The following JAZF1 variants were observed in gnomAD, a reference collection of about 807,000 sequenced individuals.
JAZF1 encodes juxtaposed with another zinc finger protein 1.
A neutral mutation model predicts 26.4 loss-of-function variants in JAZF1; 8 were observed. That is an observed-to-expected ratio of 0.30 (90% CI 0.18 to 0.55). The LOEUF is 0.55. Ranked by LOEUF, JAZF1 falls within the 20% of genes least tolerant of loss-of-function variation. JAZF1 has a pLI of 0.94. For missense variants in JAZF1, 199 were observed against 322.0 expected, an observed-to-expected ratio of 0.62 and a Z score of 2.92; for synonymous variants, 126 against 122.3, an observed-to-expected ratio of 1.03 and a Z score of -0.20.
intron 1 of JAZF1, among the ~76,000 whole-genome samples, chr7:28,106,289 G>A (rs569494582): frequency 2.6e-5 from 4 of 152,092 alleles, no homozygotes; most frequent in Admixed American, 6.6e-5. Flanking sequence ...CCACATTGGG[G>A]TTGATATTTT....
At position 27,870,215 on chromosome 7, in the gene JAZF1, A is replaced by G. The variant is rs115096541; in HGVS notation, c.385+25005T>C. ...GCTGGGATTACAGGCGTGAGCCACC[A>G]TGCCTGGCCCCTAACTGCATTTAGA... On this transcript the variant is annotated intron_variant, in intron 3 of 4. Transcript: ENST00000283928. Among the ~76,000 whole-genome samples, 1,413 of 150,798 alleles carry G rather than the reference A, an allele frequency of 9.4e-3. 21 individuals carry two copies. Among genetic ancestry groups the G allele is most frequent in the African/African-American group, 0.033 (1,345 of 40,966 alleles).
chr7:28,098,554 A>T (rs1473379436), intron 1 of JAZF1, among the ~76,000 whole-genome samples: 1 of 152,070 alleles, frequency 6.6e-6, no homozygotes, highest in Non-Finnish European at 1.5e-5. Flanking sequence ...TAAAATGTAA[A>T]TTCTGGTTCA....
At chr7:28,152,126 T>G (rs1051379122) in intron 1 of JAZF1, among the ~76,000 whole-genome samples, 1 of 152,232 alleles carries the variant, frequency 6.6e-6, no homozygotes, top group Non-Finnish European at 1.5e-5. Context: ...TAGCTAGGTC[T>G]GTTGATGAAT....
chr7:27,990,400 T>A (rs897930321), intron 2 of JAZF1, among the ~76,000 whole-genome samples: 2 of 151,292 alleles, frequency 1.3e-5, no homozygotes, highest in East Asian at 3.9e-4. Flanking sequence ...AACCTGCACG[T>A]TGTGCACATG....
chr7:27,970,764 T>C (rs1349875845), intron 2 of JAZF1, among the ~76,000 whole-genome samples: 1 of 152,234 alleles, frequency 6.6e-6, no homozygotes, highest in Non-Finnish European at 1.5e-5. Context: ...AATTTTACTA[T>C]TTTGACAACA....
chr7:28,012,541 T>C (rs1257462907), intron 1 of JAZF1, among the ~76,000 whole-genome samples: 1 of 152,218 alleles, frequency 6.6e-6, no homozygotes, highest in East Asian at 1.9e-4. Flanking sequence ...TTAAGGCCAC[T>C]GAAGGGTGTG....
intron 3 of JAZF1, among the ~76,000 whole-genome samples, chr7:27,862,926 G>A (rs182913888): frequency 6.6e-6 from 1 of 152,258 alleles, no homozygotes. Context: ...CCTAAGACAT[G>A]GGGTCAGCTC....
chr7:28,149,340 G>A (rs1325310475), intron 1 of JAZF1, among the ~76,000 whole-genome samples: 1 of 152,182 alleles, frequency 6.6e-6, no homozygotes, highest in African/African-American at 2.4e-5. Context: ...TGTCGCCAGT[G>A]TCAAGAAAGA....
chr7:28,004,113 GCTTTTC>G (rs1782657928), intron 1 of JAZF1, among the ~76,000 whole-genome samples: 1 of 152,088 alleles, frequency 6.6e-6, no homozygotes, highest in South Asian at 2.1e-4. Context: ...AGAAGTATCA[GCTTTTC>G]TAATAAAGTG....
At chr7:28,085,641 T>C (rs1473720968) in intron 1 of JAZF1, among the ~76,000 whole-genome samples, 2 of 152,240 alleles carry the variant, frequency 1.3e-5, no homozygotes, top group Non-Finnish European at 2.9e-5. Context: ...GACATCATGT[T>C]AACTATTGCT....
chr7:28,110,098 C>T (rs985515486), intron 1 of JAZF1, among the ~76,000 whole-genome samples: 2 of 151,854 alleles, frequency 1.3e-5, no homozygotes, highest in Non-Finnish European at 2.9e-5. Context: ...AAAGACTGGT[C>T]AAGAGGAAAA....
At chr7:27,836,735 A>G (rs573399974) in intron 4 of JAZF1, among the ~76,000 whole-genome samples, 4 of 152,314 alleles carry the variant, frequency 2.6e-5, no homozygotes, top group African/African-American at 7.2e-5. Context: ...GCTGAGGTGC[A>G]CGCAGTTCCC....
intron 1 of JAZF1, among the ~76,000 whole-genome samples, chr7:28,034,834 C>G (rs1215488219): frequency 6.6e-6 from 1 of 152,192 alleles, no homozygotes; most frequent in Non-Finnish European, 1.5e-5. Context: ...CTTCCCTGTT[C>G]ACTCAGAAAG....
intron 2 of JAZF1, among the ~76,000 whole-genome samples, chr7:27,921,154 C>G (rs1362059620): frequency 6.6e-6 from 1 of 152,220 alleles, no homozygotes; most frequent in African/African-American, 2.4e-5. Flanking sequence ...GCTATGTGAA[C>G]TAGCTGTAGG....
intron 2 of JAZF1, among the ~76,000 whole-genome samples, chr7:27,942,456 T>G (rs951375658): frequency 6.6e-6 from 1 of 152,238 alleles, no homozygotes; most frequent in South Asian, 2.1e-4. Context: ...TGGAGTAGCA[T>G]TTATTTAACT....
intron 1 of JAZF1, among the ~76,000 whole-genome samples, chr7:27,994,555 G>A (rs1384416652): frequency 1.3e-5 from 2 of 152,026 alleles, no homozygotes; most frequent in East Asian, 1.9e-4. Flanking sequence ...CAACAAGACA[G>A]CAGAACTTCT....
At chr7:27,923,659 C>T (rs1784569387) in intron 2 of JAZF1, among the ~76,000 whole-genome samples, 1 of 152,056 alleles carries the variant, frequency 6.6e-6, no homozygotes. Context: ...CCTGCAGCCC[C>T]CCAGCCCTGT....
At chr7:28,125,223 A>G (rs1278706569) in intron 1 of JAZF1, among the ~76,000 whole-genome samples, 1 of 152,024 alleles carries the variant, frequency 6.6e-6, no homozygotes, top group Non-Finnish European at 1.5e-5. Flanking sequence ...ATAAGCTATA[A>G]AGGGAAAAAA....
chr7:28,114,384 G>A (rs1784707853), intron 1 of JAZF1, among the ~76,000 whole-genome samples: 1 of 151,824 alleles, frequency 6.6e-6, no homozygotes, highest in Non-Finnish European at 1.5e-5. Flanking sequence ...CGGGTTTGGT[G>A]CTACTGACAT....
Sources: gnomAD v4.1 joint callset for allele counts (sites outside exome capture counted in the v4.1 genomes callset) on GRCh38, gnomAD v4.1.1 for gene constraint, MANE v1.5 for transcripts, NCBI Gene and HGNC (gene_info 2026-07-23, HGNC 2026-07-21) for gene names.